SLC38A6: variants seen among roughly 807,000 people sequenced by gnomAD.
SLC38A6 encodes N system amino acid transporter NAT-1.
Under a neutral mutation model 65.0 loss-of-function variants are expected in SLC38A6, and 73 were observed. The observed-to-expected ratio is 1.12, with a 90% confidence interval of 0.93 to 1.37. The LOEUF (loss-of-function observed/expected upper bound fraction) is 1.37, where lower values mean the gene tolerates loss of function less well. Among genes scored for constraint, SLC38A6 ranks in the 40% most tolerant of loss-of-function variants. The pLI is 0.00. For missense variants in SLC38A6, 561 were observed against 531.1 expected, an observed-to-expected ratio of 1.06 and a Z score of -0.55; for synonymous variants, 183 against 178.8, an observed-to-expected ratio of 1.02 and a Z score of -0.19.
At chr14:61,009,535 C>T (rs1480071066) in intron 3 of SLC38A6, among the ~76,000 whole-genome samples, 1 of 151,838 alleles carries the variant, frequency 6.6e-6, no homozygotes, top group African/African-American at 2.4e-5. Flanking sequence ...TATCCCTCCC[C>T]CTCCCCCACC....
intron 3 of SLC38A6, among the ~76,000 whole-genome samples, chr14:61,003,727 A>G (rs1011203013): frequency 4.6e-5 from 7 of 152,176 alleles, no homozygotes; most frequent in South Asian, 4.1e-4. Flanking sequence ...GACTGTGTAC[A>G]CATTTTATTT....
intron 3 of SLC38A6, among the ~76,000 whole-genome samples, chr14:60,999,472 T>A (rs2038546358): frequency 6.6e-6 from 1 of 152,200 alleles, no homozygotes; most frequent in Admixed American, 6.5e-5. Context: ...CTTCTTTTTA[T>A]AACATTTTCT....
intron 3 of SLC38A6, among the ~76,000 whole-genome samples, chr14:61,002,532 AT>A (rs1566629945): frequency 6.6e-6 from 1 of 152,316 alleles, no homozygotes; most frequent in East Asian, 1.9e-4. Flanking sequence ...GAGTTTATTA[AT>A]TGTCCTATTT....
chr14:61,074,330 A>G (rs555571522), intron 15 of SLC38A6, among the ~76,000 whole-genome samples: 1 of 152,382 alleles, frequency 6.6e-6, no homozygotes, highest in South Asian at 2.1e-4. Flanking sequence ...ACAAAATACC[A>G]TAGATTGGAT....
chr14:61,044,978 A>G (rs138676278), intron 10 of SLC38A6, among the ~76,000 whole-genome samples: 9 of 152,280 alleles, frequency 5.9e-5, no homozygotes, highest in African/African-American at 2.2e-4. Context: ...TAGAAGACAG[A>G]GAATTAAAAA....
At chr14:61,055,359 T>C (rs1185358717), downstream of SLC38A6, among the ~76,000 whole-genome samples, 2 of 26,780 alleles carry the variant, frequency 7.5e-5, no homozygotes, top group African/African-American at 2.6e-4. Context: ...TGAGTGAGAA[T>C]ATGCGGTGTT....
chr14:61,007,421 A>G (rs960462581), intron 3 of SLC38A6, among the ~76,000 whole-genome samples: 4 of 152,128 alleles, frequency 2.6e-5, no homozygotes, highest in Non-Finnish European at 5.9e-5. Flanking sequence ...CTTGAGTCCA[A>G]GAGTTTGAGA....
intron 6 of SLC38A6, among the ~76,000 whole-genome samples, chr14:61,032,384 G>A (rs992831178): frequency 6.6e-6 from 1 of 151,644 alleles, no homozygotes; most frequent in Non-Finnish European, 1.5e-5. Context: ...CTCTAAAAGT[G>A]ATATTTTTAC....
chr14:61,066,152 T>C (rs2043011784), intron 15 of SLC38A6, among the ~76,000 whole-genome samples: 1 of 152,228 alleles, frequency 6.6e-6, no homozygotes. Flanking sequence ...AAATTTGTTT[T>C]TTAAAAAACT....
At chr14:61,013,267 C>G (rs1349526452) in intron 3 of SLC38A6, among the ~76,000 whole-genome samples, 4 of 152,086 alleles carry the variant, frequency 2.6e-5, no homozygotes, top group Non-Finnish European at 5.9e-5. Context: ...TTATTTTGAG[C>G]CTATGTGTGT....
intron 15 of SLC38A6, among the ~76,000 whole-genome samples, chr14:61,070,396 C>T (rs560839174): frequency 2.0e-4 from 30 of 152,278 alleles, no homozygotes; most frequent in South Asian, 1.7e-3. Flanking sequence ...TTTCTTCATT[C>T]TTTAAGGCTG....
chr14:61,046,168 G>T lies in SLC38A6; in HGVS notation c.925+1G>T, dbSNP rs758459482. 2 of 1,558,950 alleles carry T rather than the reference G, an allele frequency of 1.3e-6. No individual in the cohort carries two copies. Among genetic ancestry groups the T allele is most frequent in the East Asian group, 4.5e-5 (2 of 44,538 alleles). ...CTCTTTGGGTACCTCACTTTTTATGGTAAGTACATTTTAAAATTATAGATG... is the reference window on the plus strand; with the variant it reads ...CTCTTTGGGTACCTCACTTTTTATGTTAAGTACATTTTAAAATTATAGATG... On this transcript the variant is annotated splice_donor_variant, in intron 12 of 15. Transcript: ENST00000267488. LOFTEE classifies it high-confidence loss of function.
chr14:60,998,378 G>C (rs1210344248), intron 3 of SLC38A6, among the ~76,000 whole-genome samples: 11 of 152,082 alleles, frequency 7.2e-5, no homozygotes, highest in African/African-American at 2.4e-4. Flanking sequence ...GTAAAGGAGA[G>C]AAGAGAAGGA....
chr14:60,991,098 C>A (rs1299036712), intron 3 of SLC38A6, among the ~76,000 whole-genome samples: 1 of 152,208 alleles, frequency 6.6e-6, no homozygotes, highest in Admixed American at 6.5e-5. Flanking sequence ...ACTCTTACTT[C>A]CTGCAGTCTA....
chr14:61,038,849 A>G (rs1339304879), intron 8 of SLC38A6, among the ~76,000 whole-genome samples: 1 of 152,168 alleles, frequency 6.6e-6, no homozygotes, highest in Non-Finnish European at 1.5e-5. Context: ...TTCTCTCCCC[A>G]GTTGTCTGAC....
chr14:61,048,920 A>T (rs550148270), intron 12 of SLC38A6, among the ~76,000 whole-genome samples: 34 of 152,096 alleles, frequency 2.2e-4, no homozygotes, highest in Non-Finnish European at 4.1e-4. Context: ...TTCTCCAAAG[A>T]CTCACAAGTA....
downstream of SLC38A6, among the ~76,000 whole-genome samples, chr14:61,053,486 C>G (rs1383768006): frequency 1.3e-5 from 2 of 152,134 alleles, no homozygotes; most frequent in Admixed American, 6.6e-5. Flanking sequence ...GATTGTTGAA[C>G]TAATTTACAC....
chr14:61,045,960 T>TG lies in SLC38A6; in HGVS notation c.825-105dup, dbSNP rs1403248119. ...AGGACTTCTAGTGTATAGTTATTGA[T>TG]GGAGTTGTTCTTGAATGAGGAATTC... is the stretch of plus-strand genomic sequence containing the variant. On this transcript the variant is annotated intron_variant, in intron 11 of 15. Transcript: ENST00000267488. The TG allele has an allele frequency of 3.1e-5, 19 of 619,276 alleles. No homozygotes were observed. In the South Asian group the frequency reaches 4.0e-4, roughly 13 times the overall value. The allele number at this position is 619,276 out of a possible 1,614,324, so 38.4% of individuals were successfully genotyped here. A position where few individuals can be genotyped will look rare whatever the true frequency, so the allele number is the denominator to read the frequency against.
At chr14:61,048,192 A>G (rs973614975) in intron 12 of SLC38A6, 2 of 452,080 alleles carry the variant, frequency 4.4e-6, no homozygotes, top group African/African-American at 4.0e-5. Context: ...TTGCTGGTTG[A>G]ACCTGAGATC....
Sources: gnomAD v4.1 joint callset for allele counts (sites outside exome capture counted in the v4.1 genomes callset) on GRCh38, gnomAD v4.1.1 for gene constraint, MANE v1.5 for transcripts, NCBI Gene and HGNC (gene_info 2026-07-23, HGNC 2026-07-21) for gene names.